TNFRSF25: variants seen among roughly 807,000 people sequenced by gnomAD.
The protein encoded by TNFRSF25 is TNF receptor superfamily member 25, also known as tumor necrosis factor receptor superfamily member 25.
Under a neutral mutation model 49.4 loss-of-function variants are expected in TNFRSF25, and 28 were observed. That is an observed-to-expected ratio of 0.57 (90% CI 0.42 to 0.78). TNFRSF25 has a LOEUF of 0.78. Among genes scored for constraint, TNFRSF25 ranks in the 30% least tolerant of loss-of-function variants. The pLI is 0.00. For missense variants in TNFRSF25, 531 were observed against 581.6 expected, an observed-to-expected ratio of 0.91 and a Z score of 0.90; for synonymous variants, 240 against 234.2, an observed-to-expected ratio of 1.02 and a Z score of -0.23.
Position 6,461,024 on chromosome 1 carries a change from T to C in TNFRSF25, c.*410A>G, listed in dbSNP as rs1361073089. The C allele has an allele frequency of 3.4e-5, 14 of 409,940 alleles. No individual in the cohort carries two copies. In the East Asian group the frequency reaches 7.6e-4, roughly 22 times the overall value. The allele number at this position is 409,940 out of a possible 1,614,324, so 25.4% of individuals were successfully genotyped here. ...ACTCGGGAGGGGCAGGCTTGGGAGC[T>C]AAGGCCACACTGGACTCCACCATGG... On this transcript the variant is annotated 3_prime_UTR_variant, in exon 10 of 10. Coordinates refer to ENST00000356876, the MANE Select transcript of TNFRSF25 (RefSeq NM_003790.3). The surrounding 1 kb of genome is among the most constrained non-coding windows in gnomAD (Gnocchi z 6.3).
rs1230292736 is a variant in TNFRSF25 at position 6,465,200 on chromosome 1, G to A, written c.183C>T (p.Cys61=). 1 of 1,612,370 alleles carries A rather than the reference G, an allele frequency of 6.2e-7. No individual in the cohort carries two copies. Among genetic ancestry groups the A allele is most frequent in the Non-Finnish European group, 8.5e-7 (1 of 1,179,584 alleles). The change falls in exon 3 of 10, where the codon TGC becomes TGT. Residue 61 remains cysteine (C), a synonymous_variant. Coordinates refer to ENST00000356876, the MANE Select transcript of TNFRSF25 (RefSeq NM_003790.3). ...AGGTGGAGTTGCCGCAGGGCTCCGT[G>A]CAAGGGGCCTTCAGGTAGTGCCCTG... is the stretch of plus-strand genomic sequence containing the variant. ...CPAGHYLKAP[C]TEPCGNSTCL...
intron 1 of TNFRSF25, 116 bp from the exon 2 acceptor site, chr1:6,465,676 G>A: frequency 6.8e-7 from 1 of 1,475,304 alleles, no homozygotes; most frequent in Non-Finnish European, 9.0e-7. Flanking sequence ...CCACTTCCCA[G>A]GCCCCGGGCA....
chr1:6,461,348 A>T lies in TNFRSF25; in HGVS notation c.*86T>A, dbSNP rs1644165396. ...GGCCGTGCCAGCGGCTTAATAAGTG[A>T]CATAAAATGTCTACACGCATAAGTA... is the stretch of plus-strand genomic sequence containing the variant. On this transcript the variant is annotated 3_prime_UTR_variant, in exon 10 of 10. Transcript: ENST00000356876. The surrounding 1 kb of genome is among the most constrained non-coding windows in gnomAD (Gnocchi z 6.3). 6.9e-7 allele frequency: 1 copy of T among 1,439,804 alleles called. No individual in the cohort carries two copies. The highest frequency in any genetic ancestry group is 9.3e-7 in the Non-Finnish European group (1 of 1,072,082). The allele number at this position is 1,439,804 out of a possible 1,614,324, so 89.2% of individuals were successfully genotyped here.
Position 6,462,075 on chromosome 1 carries a change from T to C in TNFRSF25, c.844A>G (p.Thr282Ala), listed in dbSNP as rs748068564. ...TCCTGGGTCTCGGGGTAGCCAGGGG[T>C]CCAGCTGTTACCCACCAACTGGACG... ...CTVQLVGNSW[T>A]PGYPETQEAL... is the part of the protein sequence containing the mutation. The change falls in exon 9 of 10, where the codon ACC becomes GCC. Residue 282 changes from threonine to alanine, a missense_variant. Thr to Ala is a moderately conservative substitution (Grantham distance 58). Transcript: ENST00000356876. The surrounding 1 kb of genome is among the most constrained non-coding windows in gnomAD (Gnocchi z 4.2). 6.2e-7 allele frequency: 1 copy of C among 1,612,988 alleles called. No homozygotes were observed. The highest frequency in any genetic ancestry group is 1.1e-5 in the South Asian group (1 of 90,986).
rs192890406 is a variant in TNFRSF25 at position 6,462,365 on chromosome 1, G to A, written c.745-191C>T. The A allele has an allele frequency of 1.2e-3, 1,407 of 1,133,426 alleles. 2 individuals are homozygous for A. The highest frequency in any genetic ancestry group is 1.6e-3 in the Non-Finnish European group (1,282 of 825,040). 70.2% of individuals were successfully genotyped at this position (1,133,426 alleles called of 1,614,324 possible). On this transcript the variant is annotated intron_variant, in intron 8 of 9. Coordinates refer to ENST00000356876, the MANE Select transcript of TNFRSF25 (RefSeq NM_003790.3). This position sits in a 1 kb window ranked among gnomAD's most constrained non-coding sequence, Gnocchi z 4.2. Reference sequence around the variant, plus strand: ...CTTCTGCCTTGAGTCCCCTGCCCCCGCCTCCTTCCTCTTGTCCCCCAGCAC... The same window carrying A: ...CTTCTGCCTTGAGTCCCCTGCCCCCACCTCCTTCCTCTTGTCCCCCAGCAC...
Position 6,462,173 on chromosome 1 carries a change from G to A in TNFRSF25, c.746C>T (p.Ala249Val), listed in dbSNP as rs771911418. Residue 249 changes from alanine (A) to valine (V), a missense_variant and splice_region_variant, in exon 9 of 10, where the codon GCC (alanine) becomes GTC (valine). Transcript: ENST00000356876. This position sits in a 1 kb window ranked among gnomAD's most constrained non-coding sequence, Gnocchi z 4.2. ...GCTGTCCAAGGGTGACAGATGGGTG[G>A]CCTGGAAGCCAAGAGGGGCCCCAGG... is the stretch of plus-strand genomic sequence containing the variant. ...AGMEALTPPPATHLSPLDSAH... is the reference protein window; with the variant it reads ...AGMEALTPPPVTHLSPLDSAH... 2.5e-6 allele frequency: 4 copies of A among 1,598,262 alleles called. No homozygotes were observed. The Admixed American group carries it at 5.3e-5, about 21-fold the overall frequency.
chr1:6,464,942 G>T, intron 3 of TNFRSF25, 146 bp downstream of exon 3: 1 of 1,324,706 alleles, frequency 7.5e-7, no homozygotes, highest in Non-Finnish European at 1.0e-6. Context: ...AAGGGGCAAG[G>T]GCACCCTGAA....
In TNFRSF25 at chr1:6,464,309, C is replaced by T. The variant is rs955340424; in HGVS notation, c.542+66G>A. 5.8e-6 allele frequency: 9 copies of T among 1,555,992 alleles called. No homozygotes were observed. The African/African-American group carries it at 1.2e-4, about 21-fold the overall frequency. ...CTATTCCTGAACCAGCAGCACCTGCCCCACCCCAGGCCCCTGCTCTGCTCC... is the reference window on the plus strand; with the variant it reads ...CTATTCCTGAACCAGCAGCACCTGCTCCACCCCAGGCCCCTGCTCTGCTCC... On this transcript the variant is annotated intron_variant, in intron 5 of 9. Coordinates refer to ENST00000356876, the MANE Select transcript of TNFRSF25 (RefSeq NM_003790.3).
intron 1 of TNFRSF25, 164 bp downstream of exon 1, chr1:6,465,905 G>C: frequency 7.0e-7 from 1 of 1,427,434 alleles, no homozygotes; most frequent in Non-Finnish European, 9.2e-7. Flanking sequence ...TTTCCTCTCA[G>C]TGGAAGGGCT....
Position 6,464,666 on chromosome 1 carries a change from A to G in TNFRSF25, c.349T>C (p.Cys117Arg). ...CACTCCACAAACCAGCCTGGCTTAC[A>G]GCCACAGCGGGTGTCGGCCACTGCT... ...CSAVADTRCG[C>R]KPGWFVECQV... The change falls in exon 4 of 10, where the codon TGT (cysteine) becomes CGT (arginine). Residue 117 changes from cysteine (C) to arginine (R), a missense_variant. Cys to Arg is a radical substitution (Grantham distance 180). Transcript: ENST00000356876. 1.2e-6 allele frequency: 2 copies of G among 1,614,066 alleles called. No individual in the cohort carries two copies. The highest frequency in any genetic ancestry group is 1.7e-6 in the Non-Finnish European group (2 of 1,180,038).
chr1:6,461,327 G>A lies in TNFRSF25; in HGVS notation c.*107C>T. The A allele has an allele frequency of 1.5e-6, 2 of 1,368,896 alleles. No individual in the cohort carries two copies. The highest frequency in any genetic ancestry group is 1.3e-5 in the South Asian group (1 of 75,102). 84.8% of individuals were successfully genotyped at this position (1,368,896 alleles called of 1,614,324 possible). A position where few individuals can be genotyped will look rare whatever the true frequency, so the allele number is the denominator to read the frequency against. Reference sequence around the variant, plus strand: ...CCGGCTGGTGCTGCTACGCAGGGCCGTGCCAGCGGCTTAATAAGTGACATA... The same window carrying A: ...CCGGCTGGTGCTGCTACGCAGGGCCATGCCAGCGGCTTAATAAGTGACATA... On this transcript the variant is annotated 3_prime_UTR_variant, in exon 10 of 10. Coordinates refer to ENST00000356876, the MANE Select transcript of TNFRSF25 (RefSeq NM_003790.3). The surrounding 1 kb of genome is among the most constrained non-coding windows in gnomAD (Gnocchi z 6.3).
At position 6,460,867 on chromosome 1, in the gene TNFRSF25, G is replaced by A; in HGVS notation, c.*567C>T. 3.1e-6 allele frequency: 1 copy of A among 321,556 alleles called. No homozygotes were observed. Among genetic ancestry groups the A allele is most frequent in the Non-Finnish European group, 6.1e-6 (1 of 162,964 alleles). The allele number at this position is 321,556 out of a possible 1,614,324, so 19.9% of individuals were successfully genotyped here. A position where few individuals can be genotyped will look rare whatever the true frequency, so the allele number is the denominator to read the frequency against. On this transcript the variant is annotated 3_prime_UTR_variant, in exon 10 of 10. Transcript: ENST00000356876. ...GGGCCCTGACCCTGTGTCTCCAACT[G>A]CTGCACCCCATCCCGACCCTGTCTC...
chr1:6,465,900 T>C, intron 1 of TNFRSF25, 169 bp downstream of exon 1: 1 of 1,423,118 alleles, frequency 7.0e-7, no homozygotes, highest in Non-Finnish European at 9.2e-7. Context: ...AGGGGTTTCC[T>C]CTCAGTGGAA....
intron 5 of TNFRSF25, 159 bp from the exon 6 acceptor site, chr1:6,463,286 C>A: frequency 1.5e-6 from 1 of 681,510 alleles, no homozygotes; most frequent in Admixed American, 2.7e-5. Context: ...GTAACAACCA[C>A]AGACACTATT....
In TNFRSF25 at chr1:6,462,278, A is replaced by AC; in HGVS notation, c.745-105dup. On this transcript the variant is annotated intron_variant, in intron 8 of 9. Transcript: ENST00000356876. The surrounding 1 kb of genome is among the most constrained non-coding windows in gnomAD (Gnocchi z 4.2). ...ACAGTCCCTGGTTCAGTCAGCAGAC[A>AC]CCCCCGCAATGACACCTCCCACAGT... is the stretch of plus-strand genomic sequence containing the variant. 1.4e-6 allele frequency: 2 copies of AC among 1,421,792 alleles called. No homozygotes were observed. Among genetic ancestry groups the AC allele is most frequent in the Non-Finnish European group, 1.9e-6 (2 of 1,062,384 alleles). The allele number at this position is 1,421,792 out of a possible 1,614,324, so 88.1% of individuals were successfully genotyped here.
chr1:6,463,712 C>A (rs1644249757), intron 5 of TNFRSF25: 1 of 106,736 alleles, frequency 9.4e-6, no homozygotes. Context: ...GGTGACAGAG[C>A]AAGTCTCCAT....
chr1:6,462,545 C>A lies in TNFRSF25; in HGVS notation c.744+84G>T. ...TCCACTAGGGCTACCCGGTGCTGGC[C>A]GCGTGCCAAGCTCCAGGGATCATAG... On this transcript the variant is annotated intron_variant, in intron 8 of 9. Transcript: ENST00000356876. The surrounding 1 kb of genome is among the most constrained non-coding windows in gnomAD (Gnocchi z 4.2). 3 of 1,562,248 alleles carry A rather than the reference C, an allele frequency of 1.9e-6. No individual in the cohort carries two copies. The highest frequency in any genetic ancestry group is 2.6e-6 in the Non-Finnish European group (3 of 1,155,120).
chr1:6,461,482 C>A lies in TNFRSF25; in HGVS notation c.1206G>T (p.Leu402=). 6.3e-7 allele frequency: 1 copy of A among 1,578,988 alleles called. No homozygotes were observed. The highest frequency in any genetic ancestry group is 1.8e-5 in the Admixed American group (1 of 56,638). The change falls in exon 10 of 10, where the codon CTG becomes CTT. Residue 402 remains leucine (L), a synonymous_variant. Transcript: ENST00000356876. The surrounding 1 kb of genome is among the most constrained non-coding windows in gnomAD (Gnocchi z 6.3). ...TGCGCAAGTCTTCCACGCAGCCGTC[C>A]AGCCCCATGCGCTCCAGGGCCGCGT... is the stretch of plus-strand genomic sequence containing the variant. ...AVYAALERMG[L]DGCVEDLRSR...
In TNFRSF25 at chr1:6,465,573, T is replaced by C; in HGVS notation, c.40-13A>G. ...CCAGGAGGAGCGCCTGGGGGACAGGTGCTGCTGACTCTCAGCGCAGCTGCC... is the reference window on the plus strand; with the variant it reads ...CCAGGAGGAGCGCCTGGGGGACAGGCGCTGCTGACTCTCAGCGCAGCTGCC... On this transcript the variant is annotated splice_polypyrimidine_tract_variant and intron_variant, in intron 1 of 9. Coordinates refer to ENST00000356876, the MANE Select transcript of TNFRSF25 (RefSeq NM_003790.3). 1 of 1,610,318 alleles carries C rather than the reference T, an allele frequency of 6.2e-7. No homozygotes were observed. Among genetic ancestry groups the C allele is most frequent in the Non-Finnish European group, 8.5e-7 (1 of 1,178,528 alleles).
Sources: gnomAD v4.1 joint callset for allele counts on GRCh38, gnomAD v4.1.1 for gene constraint, Gnocchi (gnomAD v3.1) non-coding constraint, MANE v1.5 for transcripts, NCBI Gene and HGNC (gene_info 2026-07-23, HGNC 2026-07-21) for gene names.